PRCP: variants seen among roughly 807,000 people sequenced by gnomAD.
PRCP encodes the protein prolylcarboxypeptidase.
Under a neutral mutation model 54.2 loss-of-function variants are expected in PRCP, and 46 were observed. The observed-to-expected ratio is 0.85, with a 90% confidence interval of 0.67 to 1.09. The LOEUF is 1.09. PRCP is among the 50% of genes least tolerant of loss of function. The probability of loss-of-function intolerance (pLI) is 0.00; values close to 1 mark genes in which losing one functional copy is unlikely to be tolerated. For synonymous variants in PRCP, 240 were observed against 212.2 expected, an observed-to-expected ratio of 1.13 and a Z score of -1.14; for missense variants, 613 against 596.8, an observed-to-expected ratio of 1.03 and a Z score of -0.28.
chr11:82,886,248 TTAA>T (rs1849516126), intron 1 of PRCP, among the ~76,000 whole-genome samples: 2 of 152,170 alleles, frequency 1.3e-5, no homozygotes, highest in Non-Finnish European at 2.9e-5. Flanking sequence ...CTAATATGGG[TTAA>T]TATCTCTAAA....
chr11:82,850,261 G>T (rs1858919506), intron 4 of PRCP, 63 bp downstream of exon 4: 11 of 1,356,876 alleles, frequency 8.1e-6, no homozygotes, highest in Non-Finnish European at 1.1e-5. Context: ...TACCCAAAAT[G>T]AATCTCTAAG....
Position 82,876,520 on chromosome 11 carries a change from C to T in PRCP, c.169-16403G>A, listed in dbSNP as rs145396021. 6.0e-3 allele frequency among the ~76,000 whole-genome samples: 907 copies of T among 152,268 alleles called. 4 individuals carry two copies. The highest frequency in any genetic ancestry group is 0.021 in the African/African-American group (857 of 41,538). ...TGAATTGTATCTCCCAGAACTCCCA[C>T]GTGTTGTGGGAGAGACCGGGGGGAG... is the stretch of plus-strand genomic sequence containing the variant. On this transcript the variant is annotated intron_variant, in intron 1 of 8. Coordinates refer to ENST00000313010, the MANE Select transcript of PRCP (RefSeq NM_005040.4).
chr11:82,839,330 G>C lies in PRCP; in HGVS notation c.1017C>G (p.Gly339=). ...QALNVYYNYS[G]QVKCLNISET... is the part of the protein sequence containing the mutation. Reference sequence around the variant, plus strand: ...CTGAAATATTCAGGCATTTCACCTGGCCCGAATAATTGTAATATACATTCA... The same window carrying C: ...CTGAAATATTCAGGCATTTCACCTGCCCCGAATAATTGTAATATACATTCA... Residue 339 remains glycine (G), a synonymous_variant, in exon 7 of 9, where the codon GGC becomes GGG. Transcript: ENST00000313010. The C allele has an allele frequency of 6.2e-7, 1 of 1,613,918 alleles. No individual in the cohort carries two copies. Among genetic ancestry groups the C allele is most frequent in the Admixed American group, 1.7e-5 (1 of 60,016 alleles).
At chr11:82,851,428 A>G (rs77727885) in intron 3 of PRCP, among the ~76,000 whole-genome samples, 36,175 of 149,214 alleles carry the variant, frequency 0.24, 4,722 homozygotes, top group African/African-American at 0.35. Flanking sequence ...AATGAACTCA[A>G]GTAGACCCTT....
upstream of PRCP, chr11:82,900,551 C>A: frequency 8.8e-7 from 1 of 1,133,402 alleles, no homozygotes; most frequent in Non-Finnish European, 1.3e-6. Flanking sequence ...TCCTCAGAGA[C>A]GCCGCCCAAG....
At chr11:82,877,418 G>A (rs998649389) in intron 1 of PRCP, among the ~76,000 whole-genome samples, 4 of 152,144 alleles carry the variant, frequency 2.6e-5, no homozygotes, top group South Asian at 2.1e-4. Flanking sequence ...GAGACCACAC[G>A]GCAGCCCCTC....
chr11:82,840,268 A>G (rs979631985), intron 6 of PRCP: 1 of 152,108 alleles, frequency 6.6e-6, no homozygotes, highest in Non-Finnish European at 1.5e-5. Flanking sequence ...AGCCAGTGCA[A>G]ACTTTCTTGG....
At chr11:82,845,385 T>A (rs1287648115) in intron 6 of PRCP, among the ~76,000 whole-genome samples, 2 of 151,802 alleles carry the variant, frequency 1.3e-5, no homozygotes, top group African/African-American at 4.8e-5. Flanking sequence ...GGAAAGAAGA[T>A]ATGTTGGGGG....
At chr11:82,870,745 G>T (rs192591656) in intron 1 of PRCP, among the ~76,000 whole-genome samples, 2 of 152,154 alleles carry the variant, frequency 1.3e-5, no homozygotes, top group Admixed American at 1.3e-4. Flanking sequence ...ATAATCTGCC[G>T]CTTAGCAGAT....
chr11:82,842,172 G>A (rs1430067666), intron 6 of PRCP, among the ~76,000 whole-genome samples: 1 of 152,112 alleles, frequency 6.6e-6, no homozygotes, highest in Non-Finnish European at 1.5e-5. Context: ...TAGAACACTG[G>A]GCCTCTGTCA....
rs1360152294 is a variant in PRCP, at chr11:82,900,379, G to A, written c.24C>T (p.Leu8=). Reference sequence around the variant, plus strand: ...AGGGCGCCAGAAAAGACAGAAGCAGGAGCAGGAGGGCTCGGCGGCCCATGG... The same window carrying A: ...AGGGCGCCAGAAAAGACAGAAGCAGAAGCAGGAGGGCTCGGCGGCCCATGG... The part of the protein sequence containing the change: MGRRALL[L]LLLSFLAPWA... Residue 8 remains leucine (L), a synonymous_variant, in exon 1 of 9, where the codon CTC becomes CTT. Coordinates refer to ENST00000313010, the MANE Select transcript of PRCP (RefSeq NM_005040.4). 6 of 1,613,758 alleles carry A rather than the reference G, an allele frequency of 3.7e-6. No homozygotes were observed. The Admixed American group carries it at 8.3e-5, about 22-fold the overall frequency.
chr11:82,871,246 T>A (rs1402710516), intron 1 of PRCP, among the ~76,000 whole-genome samples: 1 of 149,042 alleles, frequency 6.7e-6, no homozygotes, highest in African/African-American at 2.5e-5. Context: ...AGTGGCATGA[T>A]CTTGGCTCGT....
At chr11:82,851,303 A>G (rs1490077486) in intron 3 of PRCP, among the ~76,000 whole-genome samples, 1 of 152,006 alleles carries the variant, frequency 6.6e-6, no homozygotes, top group African/African-American at 2.4e-5. Context: ...TCTAATGAAT[A>G]GAATGGGGCA....
intron 6 of PRCP, among the ~76,000 whole-genome samples, chr11:82,842,969 T>C (rs569189355): frequency 6.6e-6 from 1 of 152,236 alleles, no homozygotes; most frequent in South Asian, 2.1e-4. Context: ...AATACTGAAG[T>C]CATATTAGCC....
chr11:82,878,155 C>T (rs1395384454), intron 1 of PRCP, among the ~76,000 whole-genome samples: 1 of 152,232 alleles, frequency 6.6e-6, no homozygotes, highest in Non-Finnish European at 1.5e-5. Flanking sequence ...TTTGGAATGG[C>T]TGTATTTACC....
rs1046095889 is a variant in PRCP at position 82,825,104 on chromosome 11, G to C, written c.1293C>G (p.Pro431=). The change falls in exon 9 of 9, where the codon CCC becomes CCG. Residue 431 remains proline, a synonymous_variant. Transcript: ENST00000313010. ...NIVFSNGELD[P]WSGGGVTKDI... ...CCTTAGTTACTCCACCTCCTGACCAGGGGTCTAGTTCACCATTGCTGCAAG... is the reference window on the plus strand; with the variant it reads ...CCTTAGTTACTCCACCTCCTGACCACGGGTCTAGTTCACCATTGCTGCAAG... The C allele has an allele frequency of 4.3e-6, 7 of 1,613,554 alleles. No individual in the cohort carries two copies. The highest frequency in any genetic ancestry group is 2.5e-6 in the Non-Finnish European group (3 of 1,179,864).
At chr11:82,870,242 C>A (rs1182364974) in intron 1 of PRCP, among the ~76,000 whole-genome samples, 1 of 152,148 alleles carries the variant, frequency 6.6e-6, no homozygotes, top group African/African-American at 2.4e-5. Context: ...ACATGTGCTG[C>A]AAAATGTTGA....
At chr11:82,841,781 C>A (rs1433400744) in intron 6 of PRCP, among the ~76,000 whole-genome samples, 1 of 152,104 alleles carries the variant, frequency 6.6e-6, no homozygotes, top group Non-Finnish European at 1.5e-5. Flanking sequence ...AAATACCTAA[C>A]ATTTGCATGG....
intron 6 of PRCP, chr11:82,846,150 T>C (rs1259341035): frequency 6.6e-6 from 1 of 152,032 alleles, no homozygotes; most frequent in Non-Finnish European, 1.5e-5. Context: ...AGGACGCCTG[T>C]TTGTCAGCCC....
Sources: allele counts gnomAD v4.1 joint callset (sites outside exome capture counted in the v4.1 genomes callset), GRCh38; gene constraint gnomAD v4.1.1; transcripts MANE v1.5; gene names NCBI Gene and HGNC (gene_info 2026-07-23, HGNC 2026-07-21).